LARGE1: variants seen among roughly 807,000 people sequenced by gnomAD.
LARGE1 encodes LARGE xylosyl- and glucuronyltransferase 1.
Under a neutral mutation model 87.6 loss-of-function variants are expected in LARGE1, and 43 were observed. That is an observed-to-expected ratio of 0.49 (90% CI 0.38 to 0.63). LARGE1 has a LOEUF of 0.63. Ranked by LOEUF, LARGE1 falls within the 30% of genes least tolerant of loss-of-function variation. The probability of loss-of-function intolerance (pLI) is 0.00; values close to 1 mark genes in which losing one functional copy is unlikely to be tolerated. For synonymous variants in LARGE1, 434 were observed against 394.6 expected (o/e 1.10, Z -1.18); for missense variants, 802 against 1,000.2 (o/e 0.80, Z 2.67).
intron 2 of LARGE1, among the ~76,000 whole-genome samples, chr22:33,688,911 C>T (rs939388393): frequency 6.6e-6 from 1 of 152,118 alleles, no homozygotes; most frequent in Non-Finnish European, 1.5e-5. Flanking sequence ...CTAATTTTTC[C>T]ACCACTCCTG....
chr22:33,742,490 C>T (rs993218018), intron 2 of LARGE1, among the ~76,000 whole-genome samples: 28 of 152,232 alleles, frequency 1.8e-4, no homozygotes, highest in South Asian at 1.5e-3. Flanking sequence ...CATACCAGCC[C>T]CTAAAGCAAG....
At chr22:33,458,661 C>T (rs1222287313) in intron 6 of LARGE1, among the ~76,000 whole-genome samples, 1 of 151,734 alleles carries the variant, frequency 6.6e-6, no homozygotes, top group African/African-American at 2.4e-5. Flanking sequence ...CTCCTGATCT[C>T]GGGTGATCCG....
At chr22:33,303,659 G>A (rs1934463975) in intron 12 of LARGE1, among the ~76,000 whole-genome samples, 1 of 152,144 alleles carries the variant, frequency 6.6e-6, no homozygotes, top group Non-Finnish European at 1.5e-5. Flanking sequence ...GTCTTGCTCT[G>A]TCACCAGGCT....
At chr22:33,226,860 G>A (rs1925763940) in intron 11 of LARGE1, among the ~76,000 whole-genome samples, 1 of 152,138 alleles carries the variant, frequency 6.6e-6, no homozygotes, top group South Asian at 2.1e-4. Flanking sequence ...CTCCCGAGTA[G>A]CTGGGACTAC....
At position 33,675,292 on chromosome 22, in the gene LARGE1, CAAAAA is replaced by C. The variant is rs71320987; in HGVS notation, c.107-24629_107-24625del. Among the ~76,000 whole-genome samples the C allele has an allele frequency of 6.7e-3, 219 of 32,912 alleles. 1 individual carries two copies. Among genetic ancestry groups the C allele is most frequent in the Admixed American group, 8.4e-3 (14 of 1,660 alleles). The allele number at this position is 32,912 out of a possible 152,430, so 21.6% of individuals were successfully genotyped here. A position where few individuals can be genotyped will look rare whatever the true frequency, so the allele number is the denominator to read the frequency against. ...CTGGGCAACAAGAGCGAAACTCCAT[CAAAAA>C]AAAAAAAAAAAAAAAAAAAAAGAAC... On this transcript the variant is annotated intron_variant, in intron 2 of 14. Coordinates refer to ENST00000397394, the MANE Select transcript of LARGE1 (RefSeq NM_133642.5).
chr22:33,304,176 G>T, intron 12 of LARGE1, 53 bp downstream of exon 12: 1 of 1,599,102 alleles, frequency 6.3e-7, no homozygotes, highest in Non-Finnish European at 8.6e-7. Context: ...TCCTGGCACT[G>T]CATGGCCCTA....
At chr22:33,100,349 C>CAAAAA in the LARGE1 span, among the ~76,000 whole-genome samples, 3 of 65,306 alleles carry the variant, frequency 4.6e-5, no homozygotes, top group Admixed American at 1.8e-4. Context: ...GACTCCATCT[C>CAAAAA]AAAAAAAAAA....
At chr22:33,299,126 C>T (rs757295801) in intron 12 of LARGE1, among the ~76,000 whole-genome samples, 14 of 151,694 alleles carry the variant, frequency 9.2e-5, no homozygotes, top group East Asian at 1.9e-4. Flanking sequence ...GTGGGAGCAT[C>T]GCTTGAGCCT....
intron 11 of LARGE1, among the ~76,000 whole-genome samples, chr22:33,232,583 G>A (rs778083813): frequency 7.9e-5 from 12 of 152,188 alleles, no homozygotes; most frequent in Non-Finnish European, 1.3e-4. Context: ...TCTGGTATTT[G>A]GAAAGCCTTG....
At chr22:33,702,367 G>A (rs192036853) in intron 2 of LARGE1, among the ~76,000 whole-genome samples, 129 of 152,268 alleles carry the variant, frequency 8.5e-4, no homozygotes, top group Admixed American at 3.5e-3. Flanking sequence ...CTAGCCCCCA[G>A]TAGGGACATT....
At chr22:33,517,565 G>T (rs1464486022) in intron 6 of LARGE1, among the ~76,000 whole-genome samples, 1 of 152,074 alleles carries the variant, frequency 6.6e-6, no homozygotes, top group South Asian at 2.1e-4. Flanking sequence ...CACCCGCCCG[G>T]CTAATTTTGT....
intron 2 of LARGE1, among the ~76,000 whole-genome samples, chr22:33,667,277 C>T (rs1406317547): frequency 1.3e-5 from 2 of 152,206 alleles, no homozygotes; most frequent in African/African-American, 4.8e-5. Flanking sequence ...GACTAAGAAG[C>T]GTCAGCCCCA....
intron 6 of LARGE1, among the ~76,000 whole-genome samples, chr22:33,528,611 G>A (rs2072032980): frequency 6.6e-6 from 1 of 152,168 alleles, no homozygotes; most frequent in Non-Finnish European, 1.5e-5. Flanking sequence ...TGTGTTGGGT[G>A]ATCTCTGATC....
At chr22:33,557,594 C>G (rs989956100) in intron 6 of LARGE1, among the ~76,000 whole-genome samples, 1 of 152,158 alleles carries the variant, frequency 6.6e-6, no homozygotes, top group Non-Finnish European at 1.5e-5. Context: ...TTGAGACAGT[C>G]TCGCTCTGTC....
At chr22:33,182,918 A>G (rs1923250455) in intron 11 of LARGE1, among the ~76,000 whole-genome samples, 1 of 152,188 alleles carries the variant, frequency 6.6e-6, no homozygotes, top group South Asian at 2.1e-4. Context: ...GATTTTTTGG[A>G]TCTGATACCA....
chr22:33,196,796 G>T (rs1202940983), intron 11 of LARGE1, among the ~76,000 whole-genome samples: 1 of 151,666 alleles, frequency 6.6e-6, no homozygotes, highest in Non-Finnish European at 1.5e-5. Flanking sequence ...AGAGGGAGGA[G>T]GGTGAGAAAG....
At chr22:33,342,683 C>T (rs1263467748) in intron 9 of LARGE1, among the ~76,000 whole-genome samples, 2 of 152,186 alleles carry the variant, frequency 1.3e-5, no homozygotes, top group African/African-American at 4.8e-5. Context: ...TGGTGCCCCA[C>T]AACCCACCGC....
At chr22:33,916,914 T>A (rs1233953975) in intron 1 of LARGE1, among the ~76,000 whole-genome samples, 1 of 152,242 alleles carries the variant, frequency 6.6e-6, no homozygotes, top group Non-Finnish European at 1.5e-5. Context: ...CCCTTGGCTG[T>A]ACTGTGCCCA....
intron 2 of LARGE1, among the ~76,000 whole-genome samples, 165 bp from the exon 3 acceptor site, chr22:33,650,833 C>T (rs1212878408): frequency 1.3e-5 from 2 of 152,158 alleles, no homozygotes; most frequent in Non-Finnish European, 2.9e-5. Context: ...CCAGATTGAA[C>T]TGGGAACAAA....
Sources: gnomAD v4.1 joint callset for allele counts (sites outside exome capture counted in the v4.1 genomes callset) on GRCh38, gnomAD v4.1.1 for gene constraint, MANE v1.5 for transcripts, NCBI Gene and HGNC (gene_info 2026-07-23, HGNC 2026-07-21) for gene names.